The following CGNL1 variants were observed in gnomAD, a reference collection of about 807,000 sequenced individuals.
CGNL1 encodes the protein cingulin-like protein 1.
In CGNL1, 132 loss-of-function variants were observed where a neutral mutation model predicts 141.2. The ratio of observed to expected loss-of-function variants is 0.93; its 90% CI spans 0.81 to 1.08. The LOEUF is 1.08. CGNL1 is among the 50% of genes least tolerant of loss of function. The pLI is 0.00. For missense variants in CGNL1, 1,870 were observed against 1,588.6 expected, an observed-to-expected ratio of 1.18 and a Z score of -3.01; for synonymous variants, 690 against 622.1, an observed-to-expected ratio of 1.11 and a Z score of -1.63.
chr15:57,485,243 G>A (rs572967511), intron 8 of CGNL1, among the ~76,000 whole-genome samples: 62 of 152,164 alleles, frequency 4.1e-4, no homozygotes, highest in African/African-American at 1.4e-3. Context: ...TCTAGTTCGA[G>A]TCCATTTTGG....
chr15:57,410,539 C>T (rs1313597972), intron 1 of CGNL1, among the ~76,000 whole-genome samples: 1 of 152,112 alleles, frequency 6.6e-6, no homozygotes, highest in African/African-American at 2.4e-5. Flanking sequence ...CCATCACCAC[C>T]TCTCTCTTTC....
At chr15:57,540,283 A>G (rs1302843648) in intron 14 of CGNL1, among the ~76,000 whole-genome samples, 2 of 152,126 alleles carry the variant, frequency 1.3e-5, no homozygotes, top group African/African-American at 4.8e-5. Flanking sequence ...TGTTTAGTTG[A>G]CTCACAGTTC....
At chr15:57,430,563 C>G (rs1354166771) in intron 1 of CGNL1, among the ~76,000 whole-genome samples, 4 of 152,004 alleles carry the variant, frequency 2.6e-5, no homozygotes, top group African/African-American at 9.7e-5. Context: ...ATGTGCTAAT[C>G]AGTTAAGAGA....
At chr15:57,414,836 C>A (rs925222834) in intron 1 of CGNL1, among the ~76,000 whole-genome samples, 1 of 152,178 alleles carries the variant, frequency 6.6e-6, no homozygotes, top group African/African-American at 2.4e-5. Context: ...ATGATTCCAG[C>A]CTGCTGATCT....
intron 3 of CGNL1, 67 bp from the exon 4 acceptor site, chr15:57,442,306 G>T: frequency 2.1e-6 from 2 of 938,984 alleles, no homozygotes; most frequent in Non-Finnish European, 1.7e-6. Context: ...TGTGTGTCAT[G>T]ACATATAAAT....
chr15:57,539,021 G>A (rs780305482), intron 14 of CGNL1, among the ~76,000 whole-genome samples: 18 of 152,188 alleles, frequency 1.2e-4, no homozygotes, highest in Non-Finnish European at 2.4e-4. Context: ...CATCTGCCTC[G>A]GAGAGTTCCC....
At chr15:57,391,928 T>C (rs2062547210) in intron 1 of CGNL1, among the ~76,000 whole-genome samples, 1 of 150,534 alleles carries the variant, frequency 6.6e-6, no homozygotes, top group South Asian at 2.1e-4. Flanking sequence ...TATTCTGAGA[T>C]CCCATTTTTT....
At chr15:57,418,511 C>G (rs543740523) in intron 1 of CGNL1, among the ~76,000 whole-genome samples, 2 of 152,310 alleles carry the variant, frequency 1.3e-5, no homozygotes, top group South Asian at 4.1e-4. Context: ...TTGCCCAGCT[C>G]TCTGCCTGCT....
intron 1 of CGNL1, among the ~76,000 whole-genome samples, chr15:57,382,444 A>G (rs1372359844): frequency 1.3e-5 from 2 of 152,208 alleles, no homozygotes; most frequent in Non-Finnish European, 2.9e-5. Context: ...TTTACAGGGC[A>G]GGGTTTCTTC....
Position 57,550,414 on chromosome 15 carries a change from C to A in CGNL1, c.*2924C>A, listed in dbSNP as rs2140276327. 1 of 152,568 alleles carries A rather than the reference C, an allele frequency of 6.6e-6. No individual in the cohort carries two copies. The highest frequency in any genetic ancestry group is 2.1e-4 in the South Asian group (1 of 4,808). 9.5% of individuals were successfully genotyped at this position (152,568 alleles called of 1,614,324 possible). On this transcript the variant is annotated 3_prime_UTR_variant, in exon 19 of 19. Transcript: ENST00000281282. ...TCTGTTTTTTGCTTTAAGAACTAAC[C>A]CCGATCAAGAGTATTTTCTTTAGCT...
intron 10 of CGNL1, among the ~76,000 whole-genome samples, chr15:57,521,494 C>A (rs115631171): frequency 0.014 from 2,171 of 152,138 alleles, 54 homozygotes; most frequent in African/African-American, 0.049. Flanking sequence ...TATCATATGC[C>A]TAATAGTGAA....
rs1233658170 is a variant in CGNL1, at chr15:57,549,817, C to G, written c.*2327C>G. 6.6e-6 allele frequency: 1 copy of G among 152,166 alleles called. No individual in the cohort carries two copies. Among genetic ancestry groups the G allele is most frequent in the Non-Finnish European group, 1.5e-5 (1 of 68,036 alleles). The allele number at this position is 152,166 out of a possible 1,614,324, so 9.4% of individuals were successfully genotyped here. ...CTGAGGACGCAACAAGCCTGGTTCC[C>G]TAGAGCTCACTTTGACCCTCAATAT... On this transcript the variant is annotated 3_prime_UTR_variant, in exon 19 of 19. Coordinates refer to ENST00000281282, the MANE Select transcript of CGNL1 (RefSeq NM_032866.5).
At chr15:57,422,898 T>C (rs2062931708) in intron 1 of CGNL1, among the ~76,000 whole-genome samples, 1 of 152,142 alleles carries the variant, frequency 6.6e-6, no homozygotes, top group African/African-American at 2.4e-5. Context: ...AAGTGACTCA[T>C]CTAAGGGAAG....
chr15:57,419,797 C>G (rs2062893040), intron 1 of CGNL1, among the ~76,000 whole-genome samples: 1 of 152,190 alleles, frequency 6.6e-6, no homozygotes, highest in African/African-American at 2.4e-5. Context: ...TTTTCCCCCT[C>G]TTTCTATACT....
intron 1 of CGNL1, among the ~76,000 whole-genome samples, chr15:57,425,166 A>C (rs2062958713): frequency 6.6e-6 from 1 of 152,176 alleles, no homozygotes; most frequent in Non-Finnish European, 1.5e-5. Flanking sequence ...AAAAAGTTTT[A>C]AATTCCAAAA....
chr15:57,384,538 T>C (rs1050535782), intron 1 of CGNL1, among the ~76,000 whole-genome samples: 2 of 152,332 alleles, frequency 1.3e-5, no homozygotes, highest in East Asian at 3.9e-4. Flanking sequence ...ATGCTGCACC[T>C]GCTCTTCATT....
chr15:57,478,432 A>G (rs1281598829), intron 8 of CGNL1: 1 of 152,232 alleles, frequency 6.6e-6, no homozygotes, highest in Non-Finnish European at 1.5e-5. Flanking sequence ...CTGGTTAAAC[A>G]TCCTCAAGTC....
intron 8 of CGNL1, among the ~76,000 whole-genome samples, chr15:57,493,696 G>A (rs1488096135): frequency 2.0e-5 from 3 of 152,116 alleles, no homozygotes; most frequent in African/African-American, 7.2e-5. Flanking sequence ...ACACTCATGT[G>A]TATAAGGAAA....
chr15:57,535,965 C>T (rs2032236811), intron 14 of CGNL1, among the ~76,000 whole-genome samples: 1 of 152,160 alleles, frequency 6.6e-6, no homozygotes, highest in Non-Finnish European at 1.5e-5. Context: ...TATAAGTTCC[C>T]AGCCTGTATT....
Sources: allele counts gnomAD v4.1 joint callset (sites outside exome capture counted in the v4.1 genomes callset), GRCh38; gene constraint gnomAD v4.1.1; transcripts MANE v1.5; gene names NCBI Gene and HGNC (gene_info 2026-07-23, HGNC 2026-07-21).